The following MAP2 variants were observed in gnomAD, a reference collection of about 807,000 sequenced individuals.
MAP2 encodes the protein microtubule associated protein 2.
A neutral mutation model predicts 137.6 loss-of-function variants in MAP2; 14 were observed. That is an observed-to-expected ratio of 0.10 (90% CI 0.07 to 0.16). The LOEUF (loss-of-function observed/expected upper bound fraction) is 0.16, where lower values mean the gene tolerates loss of function less well. Ranked by LOEUF, MAP2 falls within the 10% of genes least tolerant of loss-of-function variation. The pLI is 1.00. For synonymous variants in MAP2, 786 were observed against 782.3 expected (o/e 1.00, Z -0.08); for missense variants, 2,088 against 2,191.5 (o/e 0.95, Z 0.94).
chr2:209,667,130 G>A (rs1311196063), intron 5 of MAP2, among the ~76,000 whole-genome samples: 8 of 151,084 alleles, frequency 5.3e-5, no homozygotes, highest in African/African-American at 2.0e-4. Flanking sequence ...TAAAATTTCA[G>A]TAAGACACTT....
At chr2:209,551,716 G>A (rs1038472427) in intron 2 of MAP2, among the ~76,000 whole-genome samples, 2 of 152,162 alleles carry the variant, frequency 1.3e-5, no homozygotes, top group African/African-American at 4.8e-5. Flanking sequence ...CTCTGTGGAA[G>A]TCATAAATGG....
At chr2:209,655,956 A>G (rs1582414573) in intron 5 of MAP2, among the ~76,000 whole-genome samples, 2 of 152,198 alleles carry the variant, frequency 1.3e-5, no homozygotes, top group African/African-American at 4.8e-5. Context: ...ATTTTCTCCA[A>G]GTTTGTTTCT....
intron 1 of MAP2, among the ~76,000 whole-genome samples, chr2:209,485,437 A>G (rs922142430): frequency 3.9e-5 from 6 of 152,182 alleles, no homozygotes; most frequent in Non-Finnish European, 7.3e-5. Context: ...TATTGAAAAC[A>G]CTTTATTGAA....
chr2:209,596,327 A>C (rs926431177), intron 3 of MAP2, among the ~76,000 whole-genome samples: 20 of 152,208 alleles, frequency 1.3e-4, no homozygotes, highest in African/African-American at 4.6e-4. Flanking sequence ...GAATAAACTG[A>C]AAACACATCA....
chr2:209,496,898 G>A (rs2059812032), intron 1 of MAP2, among the ~76,000 whole-genome samples: 1 of 151,998 alleles, frequency 6.6e-6, no homozygotes, highest in Non-Finnish European at 1.5e-5. Context: ...TCTGGCTTCA[G>A]CCTCCCCAGT....
chr2:209,681,997 G>C (rs1583291204), intron 7 of MAP2, among the ~76,000 whole-genome samples: 2 of 151,778 alleles, frequency 1.3e-5, no homozygotes, highest in Non-Finnish European at 1.5e-5. Flanking sequence ...TTTTTCTGAG[G>C]AATAAAAGAA....
intron 2 of MAP2, among the ~76,000 whole-genome samples, chr2:209,518,227 A>C (rs1482868535): frequency 2.0e-5 from 3 of 152,030 alleles, no homozygotes; most frequent in African/African-American, 7.2e-5. Flanking sequence ...TTTGCTCTGC[A>C]ATGGCTTACA....
intron 2 of MAP2, among the ~76,000 whole-genome samples, chr2:209,575,049 G>A (rs1188304460): frequency 6.6e-6 from 1 of 152,072 alleles, no homozygotes; most frequent in Non-Finnish European, 1.5e-5. Context: ...TTATAATTTA[G>A]CACATTTTAA....
chr2:209,538,712 A>G (rs1450940616), intron 2 of MAP2, among the ~76,000 whole-genome samples: 2 of 152,110 alleles, frequency 1.3e-5, no homozygotes, highest in Admixed American at 6.6e-5. Flanking sequence ...GCAGTTAATA[A>G]AAACACATCG....
chr2:209,672,864 C>T (rs575559942), intron 5 of MAP2, among the ~76,000 whole-genome samples: 30 of 151,846 alleles, frequency 2.0e-4, no homozygotes, highest in African/African-American at 6.3e-4. Context: ...AGCATGATAC[C>T]GTTTGGGTTT....
At chr2:209,443,498 A>G (rs1272445368) in intron 1 of MAP2, among the ~76,000 whole-genome samples, 2 of 151,616 alleles carry the variant, frequency 1.3e-5, no homozygotes, top group Non-Finnish European at 3.0e-5. Context: ...TACAGAGCTA[A>G]CATTAGTCAA....
intron 10 of MAP2, among the ~76,000 whole-genome samples, chr2:209,698,684 G>A (rs1009165870): frequency 8.5e-5 from 13 of 152,158 alleles, no homozygotes; most frequent in Non-Finnish European, 1.8e-4. Context: ...AAAGCTTCAG[G>A]ATGAAGAATA....
intron 1 of MAP2, among the ~76,000 whole-genome samples, chr2:209,494,238 A>T (rs2059468482): frequency 6.6e-6 from 1 of 152,032 alleles, no homozygotes; most frequent in African/African-American, 2.4e-5. Flanking sequence ...AACAATGAGA[A>T]CATGGGCACA....
At chr2:209,717,475 G>A (rs771069705) in intron 13 of MAP2, among the ~76,000 whole-genome samples, 6 of 151,878 alleles carry the variant, frequency 4.0e-5, no homozygotes, top group East Asian at 1.9e-4. Flanking sequence ...TGTTACCCTC[G>A]GATTATTTGT....
At chr2:209,479,411 G>A (rs920497115) in intron 1 of MAP2, among the ~76,000 whole-genome samples, 1 of 151,910 alleles carries the variant, frequency 6.6e-6, no homozygotes, top group African/African-American at 2.4e-5. Context: ...ATTATATTTT[G>A]TCATATTACT....
chr2:209,560,813 T>C (rs776850679), intron 2 of MAP2, among the ~76,000 whole-genome samples: 11 of 152,204 alleles, frequency 7.2e-5, no homozygotes, highest in Non-Finnish European at 1.6e-4. Flanking sequence ...ACTATAAATA[T>C]GATATGGTTT....
intron 4 of MAP2, among the ~76,000 whole-genome samples, chr2:209,640,019 CA>C (rs1185490934): frequency 6.6e-6 from 1 of 152,166 alleles, no homozygotes; most frequent in Middle Eastern, 3.4e-3. Flanking sequence ...GCCCAAGTCT[CA>C]AAAACAAACA....
At chr2:209,460,479 T>A (rs1022392088) in intron 1 of MAP2, among the ~76,000 whole-genome samples, 2 of 152,140 alleles carry the variant, frequency 1.3e-5, no homozygotes, top group East Asian at 3.9e-4. Context: ...GAGAAAAAAA[T>A]TCCCTTGGTA....
At chr2:209,628,084 C>T (rs1962197) in intron 4 of MAP2, among the ~76,000 whole-genome samples, 10,296 of 152,030 alleles carry the variant, frequency 0.068, 836 homozygotes, top group South Asian at 0.23. Context: ...ACATATTTTT[C>T]GGCCGGGCAC....
Sources: allele counts gnomAD v4.1 joint callset (sites outside exome capture counted in the v4.1 genomes callset), GRCh38; gene constraint gnomAD v4.1.1; transcripts MANE v1.5; gene names NCBI Gene and HGNC (gene_info 2026-07-23, HGNC 2026-07-21).